Variants in ZNF66 observed in about 807,000 individuals in gnomAD.
ZNF66 encodes the protein putative zinc finger protein 66.
Under a neutral mutation model 35.2 loss-of-function variants are expected in ZNF66, and 32 were observed. The observed-to-expected ratio is 0.91, with a 90% CI of 0.69 to 1.22. The LOEUF (loss-of-function observed/expected upper bound fraction) is 1.22, where lower values mean the gene tolerates loss of function less well. Ranked by LOEUF, ZNF66 falls within the 50% of genes most tolerant of loss-of-function variation. The pLI is 0.00. For synonymous variants in ZNF66, 231 were observed against 181.3 expected (o/e 1.27, Z -2.20); for missense variants, 666 against 543.1 (o/e 1.23, Z -2.25).
intron 1 of ZNF66, among the ~76,000 whole-genome samples, chr19:20,776,757 G>T (rs138087432): frequency 0.01 from 1,598 of 152,276 alleles, 57 homozygotes; most frequent in Admixed American, 0.067. Flanking sequence ...CTGACTCGCG[G>T]TGCGGGTTCA....
chr19:20,785,430 A>G (rs2144895210), intron 1 of ZNF66, among the ~76,000 whole-genome samples: 1 of 152,210 alleles, frequency 6.6e-6, no homozygotes, highest in African/African-American at 2.4e-5. Context: ...CTGCTAAACT[A>G]CCTCCTGTTC....
intron 1 of ZNF66, among the ~76,000 whole-genome samples, chr19:20,786,933 G>A (rs1251719793): frequency 1.3e-5 from 2 of 152,034 alleles, no homozygotes; most frequent in Admixed American, 6.6e-5. Flanking sequence ...AGCTAATTTT[G>A]TATTTTTAGT....
At position 20,808,504 on chromosome 19, in the gene ZNF66, G is replaced by T. The variant is rs928052177; in HGVS notation, c.*1182G>T. 2.6e-5 allele frequency among the ~76,000 whole-genome samples: 4 copies of T among 152,112 alleles called. No individual in the cohort carries two copies. Among genetic ancestry groups the T allele is most frequent in the Admixed American group, 6.5e-5 (1 of 15,268 alleles). On this transcript the variant is annotated 3_prime_UTR_variant, in exon 4 of 4. Coordinates refer to ENST00000344519, the MANE Select transcript of ZNF66 (RefSeq NM_001355197.2). ...GGGTACTCCTCATATAAAACTTCCA[G>T]AGGACCGATCAGGCAGCAGCATTTG...
rs1019755328 is a variant in ZNF66, at chr19:20,808,082, C to G, written c.*760C>G. 2.0e-5 allele frequency among the ~76,000 whole-genome samples: 3 copies of G among 150,478 alleles called. No individual in the cohort carries two copies. Among genetic ancestry groups the G allele is most frequent in the African/African-American group, 4.9e-5 (2 of 40,424 alleles). Reference sequence around the variant, plus strand: ...TATCCTGCAGCTGGCTCAGAGGGTCCTATGCCCATGGAGTCTCACTGATTG... The same window carrying G: ...TATCCTGCAGCTGGCTCAGAGGGTCGTATGCCCATGGAGTCTCACTGATTG... On this transcript the variant is annotated 3_prime_UTR_variant, in exon 4 of 4. Coordinates refer to ENST00000344519, the MANE Select transcript of ZNF66 (RefSeq NM_001355197.2).
Position 20,806,740 on chromosome 19 carries a change from C to G in ZNF66, c.1140C>G (p.Tyr380Ter), listed in dbSNP as rs1431264638. 4 of 1,360,870 alleles carry G rather than the reference C, an allele frequency of 2.9e-6. No individual in the cohort carries two copies. Among genetic ancestry groups the G allele is most frequent in the Non-Finnish European group, 4.2e-6 (4 of 952,954 alleles). 84.3% of individuals were successfully genotyped at this position (1,360,870 alleles called of 1,614,324 possible). A position where few individuals can be genotyped will look rare whatever the true frequency, so the allele number is the denominator to read the frequency against. ...AAGAATGTGGTGAAGCCTTTAAGTACTCCTGTTCCCTTACTGCACATAAGA... is the reference window on the plus strand; with the variant it reads ...AAGAATGTGGTGAAGCCTTTAAGTAGTCCTGTTCCCTTACTGCACATAAGA... ...KCEECGEAFK[Y>*]SCSLTAHKII... is the part of the protein sequence containing the mutation. The change falls in exon 4 of 4, where the codon TAC becomes TAG. Residue 380 changes from tyrosine (Y) to a stop codon, truncating the protein, a stop_gained. Coordinates refer to ENST00000344519, the MANE Select transcript of ZNF66 (RefSeq NM_001355197.2). LOFTEE classifies it high-confidence loss of function.
At chr19:20,797,136 C>CCA (rs765870021) in intron 3 of ZNF66, among the ~76,000 whole-genome samples, 20 of 149,958 alleles carry the variant, frequency 1.3e-4, no homozygotes, top group Non-Finnish European at 2.4e-4. Context: ...CAGTTGTGAG[C>CCA]CACCACACCC....
intron 1 of ZNF66, among the ~76,000 whole-genome samples, chr19:20,783,477 A>T (rs1240424029): frequency 1.3e-5 from 2 of 152,188 alleles, no homozygotes; most frequent in Non-Finnish European, 2.9e-5. Context: ...TTTATCTGGT[A>T]CTTCAGATTT....
intron 3 of ZNF66, among the ~76,000 whole-genome samples, 164 bp from the exon 4 acceptor site, chr19:20,805,663 G>A (rs1225303725): frequency 4.6e-5 from 7 of 151,960 alleles, no homozygotes. Flanking sequence ...ATTTTGGGCA[G>A]TATGTTTTTT....
At chr19:20,797,098 G>T (rs1971399640) in intron 3 of ZNF66, among the ~76,000 whole-genome samples, 1 of 149,860 alleles carries the variant, frequency 6.7e-6, no homozygotes. Flanking sequence ...TGAGCTGCTT[G>T]CCTTGGCCTT....
rs192916355 is a variant in ZNF66, at chr19:20,777,389, G to C, written c.3+939G>C. Among the ~76,000 whole-genome samples the C allele has an allele frequency of 6.0e-5, 9 of 150,658 alleles. No homozygotes were observed. The East Asian group carries it at 1.8e-3, about 29-fold the overall frequency. ...AGAGCTTAATTGGCAGTTTATAGTTGCTGAAGCCTGAATTTTGTTTCCCCT... is the reference window on the plus strand; with the variant it reads ...AGAGCTTAATTGGCAGTTTATAGTTCCTGAAGCCTGAATTTTGTTTCCCCT... On this transcript the variant is annotated intron_variant, in intron 1 of 3. Transcript: ENST00000344519.
Position 20,798,321 on chromosome 19 carries a change from C to T in ZNF66, c.226+4443C>T, listed in dbSNP as rs139129681. On this transcript the variant is annotated intron_variant, in intron 3 of 3. Transcript: ENST00000344519. ...TTGAAGTGTACATTTCAGGGCCAGG[C>T]GTGGTGGTGGCTCTGATCTGTAATC... Among the ~76,000 whole-genome samples, 14 of 151,800 alleles carry T rather than the reference C, an allele frequency of 9.2e-5. No individual in the cohort carries two copies. The East Asian group carries it at 1.9e-3, about 21-fold the overall frequency.
At chr19:20,791,496 A>AAG (rs1971337059) in intron 1 of ZNF66, among the ~76,000 whole-genome samples, 1 of 149,606 alleles carries the variant, frequency 6.7e-6, no homozygotes, top group Non-Finnish European at 1.5e-5. Context: ...AAAAAAAAAA[A>AAG]AAAAAAAAAG....
chr19:20,791,594 T>G (rs1473841860), intron 1 of ZNF66, among the ~76,000 whole-genome samples: 1 of 152,076 alleles, frequency 6.6e-6, no homozygotes, highest in Non-Finnish European at 1.5e-5. Context: ...AGGGTGTTAA[T>G]GAAGCCTGCT....
At chr19:20,790,754 GA>G (rs74957457) in intron 1 of ZNF66, among the ~76,000 whole-genome samples, 2 of 150,740 alleles carry the variant, frequency 1.3e-5, no homozygotes, top group South Asian at 2.1e-4. Flanking sequence ...ATCAGAAAGA[GA>G]AAAAAAAAGG....
chr19:20,792,720 C>G (rs1481809682), intron 2 of ZNF66, 82 bp downstream of exon 2: 6 of 841,582 alleles, frequency 7.1e-6, no homozygotes, highest in Non-Finnish European at 1.1e-5. Flanking sequence ...GTAATTTATT[C>G]TTTTTATAAA....
intron 3 of ZNF66, among the ~76,000 whole-genome samples, chr19:20,804,240 T>C (rs1395395991): frequency 6.6e-6 from 1 of 151,872 alleles, no homozygotes; most frequent in Non-Finnish European, 1.5e-5. Context: ...TATTTTATTT[T>C]ATTTATTTAT....
At chr19:20,779,025 C>T (rs890110489) in intron 1 of ZNF66, among the ~76,000 whole-genome samples, 5 of 152,152 alleles carry the variant, frequency 3.3e-5, no homozygotes, top group African/African-American at 1.2e-4. Context: ...GTCCAGCCTG[C>T]TCACCCCAGC....
intron 3 of ZNF66, 92 bp from the exon 4 acceptor site, chr19:20,805,735 A>T: frequency 2.2e-6 from 1 of 444,754 alleles, no homozygotes. Context: ...CATCTTGTTT[A>T]TGTAGTTTGT....
At chr19:20,791,607 A>C (rs899409408) in intron 1 of ZNF66, among the ~76,000 whole-genome samples, 2 of 152,134 alleles carry the variant, frequency 1.3e-5, no homozygotes, top group Non-Finnish European at 2.9e-5. Context: ...AGCCTGCTTA[A>C]TATTACTACT....
Sources: gnomAD v4.1 joint callset for allele counts (sites outside exome capture counted in the v4.1 genomes callset) on GRCh38, gnomAD v4.1.1 for gene constraint, MANE v1.5 for transcripts, NCBI Gene and HGNC (gene_info 2026-07-23, HGNC 2026-07-21) for gene names.